UBE2H: variants seen among roughly 807,000 people sequenced by gnomAD.
UBE2H encodes ubiquitin-conjugating enzyme E2 H.
Under a neutral mutation model 29.0 loss-of-function variants are expected in UBE2H, and 3 were observed. The ratio of observed to expected loss-of-function variants is 0.10; its 90% CI spans 0.05 to 0.27. The LOEUF is 0.27. Among genes scored for constraint, UBE2H ranks in the 10% least tolerant of loss-of-function variants. UBE2H has a pLI of 1.00. For missense variants in UBE2H, 68 were observed against 228.2 expected, an observed-to-expected ratio of 0.30 and a Z score of 4.52; for synonymous variants, 69 against 82.9, an observed-to-expected ratio of 0.83 and a Z score of 0.91.
At chr7:129,864,046 G>GTGGAT in intron 3 of UBE2H, among the ~76,000 whole-genome samples, 1 of 152,160 alleles carries the variant, frequency 6.6e-6, no homozygotes, top group Non-Finnish European at 1.5e-5. Flanking sequence ...ACCCACCTCA[G>GTGGAT]CCTCCAAAAG....
chr7:129,898,081 TAAAG>T (rs890594910), intron 1 of UBE2H, among the ~76,000 whole-genome samples: 1 of 152,134 alleles, frequency 6.6e-6, no homozygotes, highest in Non-Finnish European at 1.5e-5. Flanking sequence ...AAATTGCTGT[TAAAG>T]AAACACCCTA....
At position 129,834,925 on chromosome 7, in the gene UBE2H, G is replaced by T. The variant is rs757732597; in HGVS notation, c.*12C>A. The T allele has an allele frequency of 8.7e-6, 14 of 1,612,106 alleles. No homozygotes were observed. The highest frequency in any genetic ancestry group is 1.2e-5 in the Non-Finnish European group (14 of 1,179,890). On this transcript the variant is annotated 3_prime_UTR_variant, in exon 7 of 7. Transcript: ENST00000355621. ...AAATAATAGTCTTTCTGAAAAGCAG[G>T]TGCTTTTTCTACTACAACTCCATAT...
chr7:129,873,146 G>A (rs969626440), intron 3 of UBE2H, among the ~76,000 whole-genome samples: 52 of 151,344 alleles, frequency 3.4e-4, no homozygotes, highest in African/African-American at 1.1e-3. Context: ...AGCCTCCCAA[G>A]TAGCTGGGAA....
At position 129,933,843 on chromosome 7, in the gene UBE2H, G is replaced by A. The variant is rs565294294; in HGVS notation, c.53+18660C>T. Reference sequence around the variant, plus strand: ...CTACTACACAGGCAAAGCTATAAGGGACAAAAGCTTAGGAAACCATAGTTA... The same window carrying A: ...CTACTACACAGGCAAAGCTATAAGGAACAAAAGCTTAGGAAACCATAGTTA... On this transcript the variant is annotated intron_variant, in intron 1 of 6. Coordinates refer to ENST00000355621, the MANE Select transcript of UBE2H (RefSeq NM_003344.4). Among the ~76,000 whole-genome samples, 100 of 152,232 alleles carry A rather than the reference G, an allele frequency of 6.6e-4. 3 individuals carry two copies. In the South Asian group the frequency reaches 0.02, roughly 31 times the overall value.
chr7:129,876,874 A>G (rs1394998905), intron 3 of UBE2H, among the ~76,000 whole-genome samples: 4 of 152,202 alleles, frequency 2.6e-5, no homozygotes, highest in African/African-American at 7.2e-5. Context: ...TTTTAAAGGG[A>G]CATCTCATGC....
chr7:129,886,031 C>T (rs982330647), intron 1 of UBE2H, among the ~76,000 whole-genome samples: 4 of 152,180 alleles, frequency 2.6e-5, no homozygotes, highest in Non-Finnish European at 4.4e-5. Context: ...GCTGGTCAGG[C>T]TGGGAGACTG....
At chr7:129,838,543 TTGG>T (rs1367381622) in intron 6 of UBE2H, among the ~76,000 whole-genome samples, 1 of 152,228 alleles carries the variant, frequency 6.6e-6, no homozygotes, top group East Asian at 1.9e-4. Context: ...CCTTTGCTTC[TTGG>T]TGGAGCTTCA....
chr7:129,936,667 C>A (rs1807535230), intron 1 of UBE2H, among the ~76,000 whole-genome samples: 1 of 151,434 alleles, frequency 6.6e-6, no homozygotes. Context: ...TTAAGATAAT[C>A]CAGTTCAGGC....
At chr7:129,860,607 T>C (rs980875721) in intron 3 of UBE2H, among the ~76,000 whole-genome samples, 2 of 152,116 alleles carry the variant, frequency 1.3e-5, no homozygotes, top group Non-Finnish European at 2.9e-5. Context: ...GTCAATGGGA[T>C]AGGGTTGGAT....
At chr7:129,871,000 G>C (rs1013700044) in intron 3 of UBE2H, among the ~76,000 whole-genome samples, 1 of 152,170 alleles carries the variant, frequency 6.6e-6, no homozygotes, top group African/African-American at 2.4e-5. Context: ...ATCTTTTTAA[G>C]TCTCAGCTTA....
chr7:129,847,028 A>ATTTT (rs535287651), intron 5 of UBE2H, among the ~76,000 whole-genome samples: 5 of 150,422 alleles, frequency 3.3e-5, no homozygotes, highest in Non-Finnish European at 7.4e-5. Flanking sequence ...TATTATTATT[A>ATTTT]TTATTTTTTG....
intron 1 of UBE2H, among the ~76,000 whole-genome samples, chr7:129,952,267 G>A (rs1036609657): frequency 6.6e-6 from 1 of 152,170 alleles, no homozygotes; most frequent in Non-Finnish European, 1.5e-5. Flanking sequence ...AGGCTCTGGG[G>A]ATACAGGAAG....
chr7:129,903,399 G>A (rs1806755441), intron 1 of UBE2H, among the ~76,000 whole-genome samples: 1 of 152,194 alleles, frequency 6.6e-6, no homozygotes, highest in Admixed American at 6.5e-5. Context: ...GCTCCTGAGG[G>A]ATAGGAATTC....
rs549855484 is a variant in UBE2H at position 129,848,155 on chromosome 7, G to A, written c.299-8820C>T. 6.6e-5 allele frequency among the ~76,000 whole-genome samples: 10 copies of A among 152,252 alleles called. No homozygotes were observed. The East Asian group carries it at 1.5e-3, about 24-fold the overall frequency. ...GGAGAACTGCTTGAACTCGGGAGGTGGAGGCTGCGGTAAGCCAAGATCACG... is the reference window on the plus strand; with the variant it reads ...GGAGAACTGCTTGAACTCGGGAGGTAGAGGCTGCGGTAAGCCAAGATCACG... On this transcript the variant is annotated intron_variant, in intron 5 of 6. Coordinates refer to ENST00000355621, the MANE Select transcript of UBE2H (RefSeq NM_003344.4).
chr7:129,896,009 T>C (rs1418954232), intron 1 of UBE2H, among the ~76,000 whole-genome samples: 1 of 152,120 alleles, frequency 6.6e-6, no homozygotes, highest in Non-Finnish European at 1.5e-5. Flanking sequence ...GGAGTATCTA[T>C]GTAGTGCCTT....
chr7:129,847,369 T>G (rs1315861261), intron 5 of UBE2H, among the ~76,000 whole-genome samples: 6 of 152,152 alleles, frequency 3.9e-5, no homozygotes, highest in African/African-American at 1.2e-4. Flanking sequence ...ATAAGTCTAC[T>G]GGGTGTGGTG....
At chr7:129,839,913 T>C (rs1805397904) in intron 5 of UBE2H, among the ~76,000 whole-genome samples, 1 of 152,204 alleles carries the variant, frequency 6.6e-6, no homozygotes, top group Non-Finnish European at 1.5e-5. Context: ...TTTCACCATG[T>C]TGGTCAGGAT....
In UBE2H at chr7:129,952,561, C is replaced by T. The variant is rs2116548038; in HGVS notation, c.-6G>A. On this transcript the variant is annotated 5_prime_UTR_variant, in exon 1 of 7. Transcript: ENST00000355621. The stretch of plus-strand genomic sequence containing the variant: ...CCCGGACTGGGAGATGACATGGTGT[C>T]GCCGCCGCCTCTCTCCCTTCCTCGG... 6.2e-7 allele frequency: 1 copy of T among 1,610,680 alleles called. No homozygotes were observed. Among genetic ancestry groups the T allele is most frequent in the East Asian group, 2.2e-5 (1 of 44,730 alleles).
intron 5 of UBE2H, among the ~76,000 whole-genome samples, chr7:129,853,740 C>T (rs759289947): frequency 2.6e-4 from 40 of 152,080 alleles, no homozygotes; most frequent in Non-Finnish European, 8.8e-5. Context: ...AAATCAATGG[C>T]GGGGAAGGGT....
Sources: gnomAD v4.1 joint callset for allele counts (sites outside exome capture counted in the v4.1 genomes callset) on GRCh38, gnomAD v4.1.1 for gene constraint, MANE v1.5 for transcripts, NCBI Gene and HGNC (gene_info 2026-07-23, HGNC 2026-07-21) for gene names.